The following ENTHD1 variants were observed in gnomAD, a reference collection of about 807,000 sequenced individuals.
The protein encoded by ENTHD1 is ENTH domain containing 1.
Under a neutral mutation model 39.1 loss-of-function variants are expected in ENTHD1, and 23 were observed. That is an observed-to-expected ratio of 0.59 (90% CI 0.42 to 0.83). ENTHD1 has a LOEUF of 0.83. Among genes scored for constraint, ENTHD1 ranks in the 40% least tolerant of loss-of-function variants. The pLI is 0.00. For missense variants in ENTHD1, 624 were observed against 705.4 expected (o/e 0.88, Z 1.31); for synonymous variants, 230 against 258.2 (o/e 0.89, Z 1.05).
chr22:39,840,302 A>G (rs1323696673), intron 3 of ENTHD1, among the ~76,000 whole-genome samples: 1 of 152,228 alleles, frequency 6.6e-6, no homozygotes, highest in African/African-American at 2.4e-5. Flanking sequence ...GGTTGTAAGT[A>G]CTTTGTGGAA....
At chr22:39,862,790 G>A (rs566293341) in intron 2 of ENTHD1, among the ~76,000 whole-genome samples, 2 of 152,240 alleles carry the variant, frequency 1.3e-5, no homozygotes, top group East Asian at 3.9e-4. Flanking sequence ...ATACAACTGT[G>A]GTTTGAATGT....
intron 5 of ENTHD1, among the ~76,000 whole-genome samples, chr22:39,797,193 G>A (rs1178726541): frequency 6.6e-6 from 1 of 152,068 alleles, no homozygotes; most frequent in Non-Finnish European, 1.5e-5. Context: ...GCTCAATTTT[G>A]GTTTCCATCA....
Position 39,749,612 on chromosome 22 carries a change from T to C in ENTHD1, c.1220-5329A>G, listed in dbSNP as rs113702580. ...CAACTAAACACTTTAAATAGTTCAC[T>C]GTAAAACAGAGAAGTTTTTGTCATT... On this transcript the variant is annotated intron_variant, in intron 6 of 6. Transcript: ENST00000325157. Among the ~76,000 whole-genome samples the C allele has an allele frequency of 2.8e-3, 431 of 152,384 alleles. 1 individual carries two copies. Among genetic ancestry groups the C allele is most frequent in the Non-Finnish European group, 4.7e-3 (323 of 68,026 alleles).
intron 5 of ENTHD1, among the ~76,000 whole-genome samples, chr22:39,766,467 G>A (rs987846992): frequency 6.6e-6 from 1 of 152,168 alleles, no homozygotes; most frequent in Non-Finnish European, 1.5e-5. Flanking sequence ...CAGCGCCAGG[G>A]CTTGCTCTGT....
chr22:39,871,035 T>G (rs1453599371), intron 2 of ENTHD1, among the ~76,000 whole-genome samples: 1 of 151,594 alleles, frequency 6.6e-6, no homozygotes, highest in Non-Finnish European at 1.5e-5. Flanking sequence ...AGAAAGAAAA[T>G]TAGCTAGTCA....
rs530669458 is a variant in ENTHD1 at position 39,799,221 on chromosome 22, G to A, written c.832+21772C>T. Among the ~76,000 whole-genome samples, 70 of 152,280 alleles carry A rather than the reference G, an allele frequency of 4.6e-4. No homozygotes were observed. The East Asian group carries it at 0.012, about 26-fold the overall frequency. On this transcript the variant is annotated intron_variant, in intron 5 of 6. Coordinates refer to ENST00000325157, the MANE Select transcript of ENTHD1 (RefSeq NM_152512.4). Reference sequence around the variant, plus strand: ...CCTAGTATGTGCACAAGTATACCTCGGCCCTACCGCAATTGCGGGGAGGGG... The same window carrying A: ...CCTAGTATGTGCACAAGTATACCTCAGCCCTACCGCAATTGCGGGGAGGGG...
At chr22:39,862,406 G>A (rs1192345891) in intron 2 of ENTHD1, among the ~76,000 whole-genome samples, 1 of 151,946 alleles carries the variant, frequency 6.6e-6, no homozygotes, top group Non-Finnish European at 1.5e-5. Context: ...AAACTAGCTG[G>A]GCATGGTGGC....
At chr22:39,840,966 T>G (rs2065939958) in intron 3 of ENTHD1, among the ~76,000 whole-genome samples, 1 of 152,132 alleles carries the variant, frequency 6.6e-6, no homozygotes, top group Non-Finnish European at 1.5e-5. Flanking sequence ...GGTCTCGATC[T>G]GCTGTCCTCG....
intron 4 of ENTHD1, among the ~76,000 whole-genome samples, chr22:39,833,298 A>C (rs1437580711): frequency 6.6e-6 from 1 of 152,182 alleles, no homozygotes; most frequent in Non-Finnish European, 1.5e-5. Flanking sequence ...AGCCTTTAGC[A>C]ATACTTAAAA....
intron 5 of ENTHD1, among the ~76,000 whole-genome samples, chr22:39,797,087 C>T (rs547263797): frequency 6.6e-6 from 1 of 152,296 alleles, no homozygotes; most frequent in African/African-American, 2.4e-5. Flanking sequence ...TATCCTCTTG[C>T]TCAATTAATC....
chr22:39,786,022 T>C (rs1416951026), intron 5 of ENTHD1, among the ~76,000 whole-genome samples: 2 of 152,176 alleles, frequency 1.3e-5, no homozygotes, highest in East Asian at 3.8e-4. Flanking sequence ...ACTGATCCAC[T>C]TCAGCTTCTC....
chr22:39,789,208 A>G (rs780947688), intron 5 of ENTHD1, among the ~76,000 whole-genome samples: 1 of 152,188 alleles, frequency 6.6e-6, no homozygotes, highest in Non-Finnish European at 1.5e-5. Context: ...TCTCTTCAAC[A>G]TACTGATTTC....
chr22:39,786,390 C>A (rs2065458674), intron 5 of ENTHD1, among the ~76,000 whole-genome samples: 1 of 152,146 alleles, frequency 6.6e-6, no homozygotes, highest in Non-Finnish European at 1.5e-5. Flanking sequence ...CATTTAAGAT[C>A]TACCCTCTTA....
intron 5 of ENTHD1, among the ~76,000 whole-genome samples, chr22:39,791,542 G>A (rs1432923190): frequency 6.6e-6 from 1 of 151,680 alleles, no homozygotes; most frequent in African/African-American, 2.4e-5. Context: ...CTACAGGTGT[G>A]TGCCACCAGG....
chr22:39,852,074 T>C (rs1302724687), intron 3 of ENTHD1, among the ~76,000 whole-genome samples: 5 of 152,158 alleles, frequency 3.3e-5, no homozygotes, highest in Non-Finnish European at 2.9e-5. Context: ...GGCTCACTCC[T>C]GTAATCCTAG....
At chr22:39,864,124 A>G (rs1181216532) in intron 2 of ENTHD1, among the ~76,000 whole-genome samples, 1 of 152,214 alleles carries the variant, frequency 6.6e-6, no homozygotes, top group Admixed American at 6.5e-5. Flanking sequence ...TTTGGGAACA[A>G]TATGTCAGAC....
At chr22:39,871,192 T>G (rs778684336) in intron 2 of ENTHD1, among the ~76,000 whole-genome samples, 237 of 149,096 alleles carry the variant, frequency 1.6e-3, no homozygotes, top group South Asian at 2.5e-3. Flanking sequence ...AATAAATAAA[T>G]AAATAAATAA....
chr22:39,877,366 C>G (rs566996898), intron 2 of ENTHD1, among the ~76,000 whole-genome samples: 1 of 152,116 alleles, frequency 6.6e-6, no homozygotes, highest in Non-Finnish European at 1.5e-5. Context: ...AAGTTGGAGT[C>G]GCCACTCCAT....
intron 6 of ENTHD1, among the ~76,000 whole-genome samples, chr22:39,757,890 A>G (rs564948415): frequency 6.6e-6 from 1 of 152,156 alleles, no homozygotes; most frequent in Admixed American, 6.5e-5. Context: ...AGTGTTTGAC[A>G]GTTCCTCCTT....
Sources: gnomAD v4.1 joint callset for allele counts (sites outside exome capture counted in the v4.1 genomes callset) on GRCh38, gnomAD v4.1.1 for gene constraint, MANE v1.5 for transcripts, NCBI Gene and HGNC (gene_info 2026-07-23, HGNC 2026-07-21) for gene names.